Variants in RNF157 observed in about 807,000 individuals in gnomAD.
RNF157 encodes E3 ubiquitin ligase RNF157.
A neutral mutation model predicts 88.3 loss-of-function variants in RNF157; 55 were observed. The ratio of observed to expected loss-of-function variants is 0.62; its 90% CI spans 0.50 to 0.78. The LOEUF (loss-of-function observed/expected upper bound fraction) is 0.78, where lower values mean the gene tolerates loss of function less well. RNF157 is among the 30% of genes least tolerant of loss of function. The pLI is 0.00. For synonymous variants in RNF157, 334 were observed against 341.2 expected, an observed-to-expected ratio of 0.98 and a Z score of 0.23; for missense variants, 788 against 860.8, an observed-to-expected ratio of 0.92 and a Z score of 1.06.
chr17:76,197,811 C>T (rs2069502312), intron 2 of RNF157, among the ~76,000 whole-genome samples: 1 of 152,204 alleles, frequency 6.6e-6, no homozygotes, highest in Non-Finnish European at 1.5e-5. Context: ...AAAGGATGAA[C>T]TCTCAGCCTA....
intron 16 of RNF157, chr17:76,154,627 A>C (rs560530853): frequency 6.4e-6 from 2 of 310,270 alleles, no homozygotes; most frequent in Admixed American, 9.4e-5. Context: ...GGTGGAAGTA[A>C]AAATTACTAA....
rs903001289 is a variant in RNF157, at chr17:76,146,024, C to T, written c.1922-671G>A. Among the ~76,000 whole-genome samples, 8 of 152,214 alleles carry T rather than the reference C, an allele frequency of 5.3e-5. No individual in the cohort carries two copies. The highest frequency in any genetic ancestry group is 3.8e-4 in the East Asian group (2 of 5,196). ...GGGTCCCACAGATACCATCACTAAA[C>T]GCATCCGCTCCCCAAATCTGCTGCT... On this transcript the variant is annotated intron_variant, in intron 18 of 18. Coordinates refer to ENST00000269391, the MANE Select transcript of RNF157 (RefSeq NM_052916.3). The surrounding 1 kb of genome is among the most constrained non-coding windows in gnomAD (Gnocchi z 4.2).
intron 2 of RNF157, among the ~76,000 whole-genome samples, chr17:76,190,602 C>CAA (rs557182055): frequency 9.7e-5 from 10 of 102,964 alleles, no homozygotes; most frequent in African/African-American, 2.5e-4. Flanking sequence ...GACCCCATCT[C>CAA]AAAAAAAAAA....
Position 76,144,055 on chromosome 17 carries a change from C to G in RNF157, c.*1180G>C, listed in dbSNP as rs995520959. ...GGGCACCAAACTGAGAATCACTGGT[C>G]CACATTTCTCTCAACCATTAACAAA... On this transcript the variant is annotated 3_prime_UTR_variant, in exon 19 of 19. Coordinates refer to ENST00000269391, the MANE Select transcript of RNF157 (RefSeq NM_052916.3). 4.6e-5 allele frequency: 7 copies of G among 152,176 alleles called. No individual in the cohort carries two copies. Among genetic ancestry groups the G allele is most frequent in the Admixed American group, 1.3e-4 (2 of 15,272 alleles). The allele number at this position is 152,176 out of a possible 1,614,324, so 9.4% of individuals were successfully genotyped here.
At chr17:76,227,373 A>G (rs62086280) in intron 1 of RNF157, among the ~76,000 whole-genome samples, 81,922 of 150,808 alleles carry the variant, frequency 0.54, 23,752 homozygotes, top group African/African-American at 0.76. Flanking sequence ...CGCCCACCTC[A>G]GCTTCCCAAA....
intron 1 of RNF157, among the ~76,000 whole-genome samples, chr17:76,216,367 G>C (rs1300581793): frequency 6.6e-6 from 1 of 152,172 alleles, no homozygotes; most frequent in Non-Finnish European, 1.5e-5. Flanking sequence ...GGTTCGATTA[G>C]AAATGCCCTT....
chr17:76,230,265 A>T (rs560791350), intron 1 of RNF157, among the ~76,000 whole-genome samples: 1 of 152,262 alleles, frequency 6.6e-6, no homozygotes, highest in South Asian at 2.1e-4. Context: ...CCGGATCTTG[A>T]GGCAAAGTAA....
chr17:76,229,236 G>C (rs186573024), intron 1 of RNF157, among the ~76,000 whole-genome samples: 3 of 152,302 alleles, frequency 2.0e-5, no homozygotes, highest in African/African-American at 7.2e-5. Context: ...TAAGGGTTCA[G>C]CCCTCTCCTC....
At chr17:76,229,815 T>C (rs78916891) in intron 1 of RNF157, among the ~76,000 whole-genome samples, 3 of 152,214 alleles carry the variant, frequency 2.0e-5, no homozygotes, top group East Asian at 3.9e-4. Context: ...TTGTAATTTG[T>C]TTTTCTTCTA....
intron 2 of RNF157, among the ~76,000 whole-genome samples, chr17:76,203,981 A>G (rs188755587): frequency 5.7e-4 from 86 of 151,208 alleles, no homozygotes; most frequent in African/African-American, 1.6e-3. Context: ...GTTAGCCAGG[A>G]TGGTCTCGAT....
intron 2 of RNF157, among the ~76,000 whole-genome samples, chr17:76,186,019 T>C (rs1022111901): frequency 1.3e-5 from 2 of 152,122 alleles, no homozygotes; most frequent in African/African-American, 2.4e-5. Context: ...TTGAACGTTC[T>C]AATGCCAAGT....
At position 76,146,471 on chromosome 17, in the gene RNF157, G is replaced by A; in HGVS notation, c.1922-1118C>T. ...AGTGCCCTCCCTCCAGTGAGGCTAG[G>A]GCGCTCCTGCCTTGGGCCTCGGCTG... On this transcript the variant is annotated intron_variant, in intron 18 of 18. Coordinates refer to ENST00000269391, the MANE Select transcript of RNF157 (RefSeq NM_052916.3). This position sits in a 1 kb window ranked among gnomAD's most constrained non-coding sequence, Gnocchi z 4.2. The A allele has an allele frequency of 1.0e-6, 1 of 985,682 alleles. No individual in the cohort carries two copies. The highest frequency in any genetic ancestry group is 4.7e-5 in the South Asian group (1 of 21,288). 61.1% of individuals were successfully genotyped at this position (985,682 alleles called of 1,614,324 possible).
intron 4 of RNF157, 64 bp from the exon 5 acceptor site, chr17:76,167,190 C>G: frequency 1.8e-6 from 2 of 1,135,146 alleles, no homozygotes; most frequent in Non-Finnish European, 2.7e-6. Flanking sequence ...CTGACAACTT[C>G]CTCTGCTCAT....
chr17:76,220,533 G>T (rs1217758790), intron 1 of RNF157, among the ~76,000 whole-genome samples: 1 of 152,096 alleles, frequency 6.6e-6, no homozygotes, highest in African/African-American at 2.4e-5. Context: ...ATAATTAATA[G>T]ATGAGGGGAG....
Position 76,217,111 on chromosome 17 carries a change from C to T in RNF157, c.89-4629G>A, listed in dbSNP as rs993144094. Among the ~76,000 whole-genome samples the T allele has an allele frequency of 9.9e-5, 15 of 152,030 alleles. No individual in the cohort carries two copies. The East Asian group carries it at 1.7e-3, about 18-fold the overall frequency. Reference sequence around the variant, plus strand: ...AAACTTTTGGTTATTAAGGGGAAGACGCATAAAATGTGCAAGATTGTATGA... The same window carrying T: ...AAACTTTTGGTTATTAAGGGGAAGATGCATAAAATGTGCAAGATTGTATGA... On this transcript the variant is annotated intron_variant, in intron 1 of 18. Coordinates refer to ENST00000269391, the MANE Select transcript of RNF157 (RefSeq NM_052916.3).
chr17:76,202,191 G>T (rs983758399), intron 2 of RNF157, among the ~76,000 whole-genome samples: 4 of 145,596 alleles, frequency 2.7e-5, no homozygotes, highest in Non-Finnish European at 4.5e-5. Context: ...AAAGACACCC[G>T]TTCCCACCAT....
At chr17:76,219,770 T>C (rs763789780) in intron 1 of RNF157, among the ~76,000 whole-genome samples, 2 of 152,172 alleles carry the variant, frequency 1.3e-5, no homozygotes, top group Non-Finnish European at 2.9e-5. Context: ...AATTTAACTG[T>C]ACATCTCAAT....
chr17:76,187,621 T>G (rs2069315780), intron 2 of RNF157, among the ~76,000 whole-genome samples: 1 of 152,058 alleles, frequency 6.6e-6, no homozygotes, highest in Non-Finnish European at 1.5e-5. Flanking sequence ...TGAGACAGGT[T>G]CTCACTCTGT....
At chr17:76,181,419 A>C (rs2069186012) in intron 2 of RNF157, among the ~76,000 whole-genome samples, 1 of 152,202 alleles carries the variant, frequency 6.6e-6, no homozygotes, top group Non-Finnish European at 1.5e-5. Context: ...ACAGTATGAC[A>C]AAATCTTTGT....
Sources: allele counts gnomAD v4.1 joint callset (sites outside exome capture counted in the v4.1 genomes callset), GRCh38; gene constraint gnomAD v4.1.1; non-coding constraint Gnocchi (gnomAD v3.1); transcripts MANE v1.5; gene names NCBI Gene and HGNC (gene_info 2026-07-23, HGNC 2026-07-21).